The following ADGRL4 variants were observed in gnomAD, a reference collection of about 807,000 sequenced individuals.
The protein encoded by ADGRL4 is adhesion G protein-coupled receptor L4, also known as EGF, latrophilin and seven transmembrane domain containing 1.
In ADGRL4, 90 loss-of-function variants were observed where a neutral mutation model predicts 74.8. The observed-to-expected ratio is 1.20, with a 90% CI of 1.02 to 1.43. The LOEUF (loss-of-function observed/expected upper bound fraction) is 1.43, where lower values mean the gene tolerates loss of function less well. ADGRL4 is among the 40% of genes most tolerant of loss of function. ADGRL4 has a pLI of 0.00. For missense variants in ADGRL4, 881 were observed against 814.3 expected, an observed-to-expected ratio of 1.08 and a Z score of -1.00; for synonymous variants, 311 against 279.2, an observed-to-expected ratio of 1.11 and a Z score of -1.14.
intron 4 of ADGRL4, among the ~76,000 whole-genome samples, chr1:78,938,774 C>T (rs7512011): frequency 0.29 from 43,773 of 151,796 alleles, 6,348 homozygotes; most frequent in Middle Eastern, 0.33. Context: ...TTCAATCATA[C>T]GACAATTATT....
intron 10 of ADGRL4, among the ~76,000 whole-genome samples, chr1:78,918,470 G>C (rs935739689): frequency 6.6e-6 from 1 of 151,562 alleles, no homozygotes; most frequent in Non-Finnish European, 1.5e-5. Flanking sequence ...TACTCTGCTA[G>C]ACAAAAGAAA....
chr1:78,910,866 T>C (rs183808175), intron 12 of ADGRL4, among the ~76,000 whole-genome samples: 434 of 151,964 alleles, frequency 2.9e-3, no homozygotes, highest in Middle Eastern at 0.02. Flanking sequence ...GGTCACTGGT[T>C]CATATTTCAG....
chr1:78,909,468 GT>G (rs1425242284), intron 12 of ADGRL4, among the ~76,000 whole-genome samples: 2 of 151,868 alleles, frequency 1.3e-5, no homozygotes, highest in African/African-American at 2.4e-5. Flanking sequence ...CTGGCATCTA[GT>G]GAGTAGAGAC....
At chr1:78,996,441 T>A (rs138296515) in intron 2 of ADGRL4, among the ~76,000 whole-genome samples, 1 of 152,350 alleles carries the variant, frequency 6.6e-6, no homozygotes, top group East Asian at 1.9e-4. Flanking sequence ...TCTTCTTTCA[T>A]AGCAGGATAT....
At chr1:78,993,655 A>G (rs1196562719) in intron 2 of ADGRL4, among the ~76,000 whole-genome samples, 1 of 150,042 alleles carries the variant, frequency 6.7e-6, no homozygotes, top group Admixed American at 6.7e-5. Context: ...TGAAAGCTCC[A>G]CCTCCTGGGC....
chr1:78,977,518 A>T (rs971847167), intron 2 of ADGRL4, among the ~76,000 whole-genome samples: 1 of 151,970 alleles, frequency 6.6e-6, no homozygotes, highest in Non-Finnish European at 1.5e-5. Flanking sequence ...TATCCAAGAT[A>T]CTCTTGAAGA....
In ADGRL4 at chr1:78,891,002, T is replaced by C. The variant is rs1648258482; in HGVS notation, c.*152A>G. 9 of 751,120 alleles carry C rather than the reference T, an allele frequency of 1.2e-5. No homozygotes were observed. Among genetic ancestry groups the C allele is most frequent in the Non-Finnish European group, 2.1e-5 (9 of 429,980 alleles). 46.5% of individuals were successfully genotyped at this position (751,120 alleles called of 1,614,324 possible). ...CATAATTTTACCTTATTATCTACAG[T>C]TCCTATAGCATAAACAGAAAAACTG... On this transcript the variant is annotated 3_prime_UTR_variant, in exon 15 of 15. Coordinates refer to ENST00000370742, the MANE Select transcript of ADGRL4 (RefSeq NM_022159.4).
intron 2 of ADGRL4, among the ~76,000 whole-genome samples, chr1:78,993,642 C>T (rs1490169465): frequency 1.3e-5 from 2 of 151,442 alleles, no homozygotes. Context: ...GATCTCGGCT[C>T]ACTGAAAGCT....
At chr1:78,926,619 AAC>A (rs1400276520) in intron 8 of ADGRL4, among the ~76,000 whole-genome samples, 1 of 152,060 alleles carries the variant, frequency 6.6e-6, no homozygotes, top group Admixed American at 6.6e-5. Context: ...TTCCAAAATA[AAC>A]AGTGTACTTA....
At chr1:78,983,180 A>T (rs1650429526) in intron 2 of ADGRL4, among the ~76,000 whole-genome samples, 1 of 151,812 alleles carries the variant, frequency 6.6e-6, no homozygotes, top group Non-Finnish European at 1.5e-5. Flanking sequence ...GCACCACAGG[A>T]TTCCCACACA....
At chr1:78,908,384 TA>T (rs746531729) in intron 12 of ADGRL4, among the ~76,000 whole-genome samples, 16 of 152,056 alleles carry the variant, frequency 1.1e-4, no homozygotes, top group Non-Finnish European at 1.9e-4. Flanking sequence ...TGCCTTAGTG[TA>T]ATCAGCCCTT....
chr1:78,954,355 T>C (rs1570251747), intron 2 of ADGRL4, among the ~76,000 whole-genome samples: 1 of 151,716 alleles, frequency 6.6e-6, no homozygotes, highest in Non-Finnish European at 1.5e-5. Flanking sequence ...AAATTCACAA[T>C]TGAATTTAAA....
At position 78,925,436 on chromosome 1, in the gene ADGRL4, T is replaced by C. The variant is rs141116420; in HGVS notation, c.1083+1450A>G. 6.6e-5 allele frequency among the ~76,000 whole-genome samples: 10 copies of C among 152,226 alleles called. No homozygotes were observed. The East Asian group carries it at 1.9e-3, about 30-fold the overall frequency. On this transcript the variant is annotated intron_variant, in intron 8 of 14. Transcript: ENST00000370742. ...TGATTGCTATGAGAATGGTTAATACTACTATAATTACTGTTACTATTCTTC... is the reference window on the plus strand; with the variant it reads ...TGATTGCTATGAGAATGGTTAATACCACTATAATTACTGTTACTATTCTTC...
intron 2 of ADGRL4, among the ~76,000 whole-genome samples, chr1:78,987,658 C>G (rs946217807): frequency 6.6e-6 from 1 of 151,686 alleles, no homozygotes; most frequent in Non-Finnish European, 1.5e-5. Flanking sequence ...TAGTTAGGTT[C>G]GAACCTTACT....
chr1:78,927,816 C>G (rs1031605453), intron 7 of ADGRL4, among the ~76,000 whole-genome samples: 3 of 152,098 alleles, frequency 2.0e-5, no homozygotes, highest in Non-Finnish European at 1.5e-5. Context: ...ACTGTGTGAG[C>G]TAGAAGTTGC....
chr1:78,987,219 G>A (rs867147482), intron 2 of ADGRL4, among the ~76,000 whole-genome samples: 1 of 151,652 alleles, frequency 6.6e-6, no homozygotes, highest in Non-Finnish European at 1.5e-5. Context: ...ACAGGTCATC[G>A]TGATATACTA....
chr1:78,928,821 T>G (rs1649171979), intron 7 of ADGRL4, among the ~76,000 whole-genome samples: 1 of 151,588 alleles, frequency 6.6e-6, no homozygotes, highest in Non-Finnish European at 1.5e-5. Context: ...TTAATAGTTT[T>G]TTATTACTGT....
chr1:78,941,436 C>T lies in ADGRL4; in HGVS notation c.326-2178G>A, dbSNP rs574241535. ...AACCCATGAAGTATCATAAACAACA[C>T]CAAAAAAAATTTATTTCATGAGCAA... On this transcript the variant is annotated intron_variant, in intron 3 of 14. Transcript: ENST00000370742. Among the ~76,000 whole-genome samples the T allele has an allele frequency of 2.0e-5, 3 of 152,148 alleles. No homozygotes were observed. In the South Asian group the frequency reaches 6.2e-4, roughly 32 times the overall value.
chr1:78,909,330 C>T (rs914689628), intron 12 of ADGRL4, among the ~76,000 whole-genome samples: 1 of 151,870 alleles, frequency 6.6e-6, no homozygotes, highest in African/African-American at 2.4e-5. Context: ...AAAATACAAT[C>T]GTATTCAAGA....
Sources: gnomAD v4.1 joint callset for allele counts (sites outside exome capture counted in the v4.1 genomes callset) on GRCh38, gnomAD v4.1.1 for gene constraint, MANE v1.5 for transcripts, NCBI Gene and HGNC (gene_info 2026-07-23, HGNC 2026-07-21) for gene names.